The following LUZP2 variants were observed in gnomAD, a reference collection of about 807,000 sequenced individuals.
LUZP2 encodes the protein leucine zipper protein 2.
A neutral mutation model predicts 51.6 loss-of-function variants in LUZP2; 52 were observed. The observed-to-expected ratio is 1.01, with a 90% CI of 0.81 to 1.27. The LOEUF is 1.27. Among genes scored for constraint, LUZP2 ranks in the 50% most tolerant of loss-of-function variants. The pLI, the probability that LUZP2 is intolerant of heterozygous loss-of-function variation, is 0.00. For missense variants in LUZP2, 436 were observed against 395.4 expected, an observed-to-expected ratio of 1.10 and a Z score of -0.87; for synonymous variants, 154 against 137.3, an observed-to-expected ratio of 1.12 and a Z score of -0.85.
chr11:24,741,127 T>A (rs1859122159), intron 4 of LUZP2, among the ~76,000 whole-genome samples: 1 of 152,100 alleles, frequency 6.6e-6, no homozygotes, highest in African/African-American at 2.4e-5. Flanking sequence ...CTATTTACAT[T>A]ACTATTCAAA....
chr11:24,551,697 G>C lies in LUZP2; in HGVS notation c.62+54392G>C, dbSNP rs11028006. On this transcript the variant is annotated intron_variant, in intron 1 of 11. Coordinates refer to ENST00000336930, the MANE Select transcript of LUZP2 (RefSeq NM_001009909.4). ...ATAGTAATTCATAATTGGAAATATA[G>C]AGGAAAATCAAAGAAACAAACCTAA... Among the ~76,000 whole-genome samples the C allele has an allele frequency of 3.1e-4, 47 of 151,950 alleles. No individual in the cohort carries two copies. The East Asian group carries it at 4.4e-3, about 14-fold the overall frequency.
chr11:24,986,768 T>A (rs1026068206), intron 9 of LUZP2, among the ~76,000 whole-genome samples: 11 of 151,710 alleles, frequency 7.3e-5, no homozygotes, highest in African/African-American at 2.7e-4. Context: ...ATTATATTCA[T>A]TTTTTATAAA....
intron 1 of LUZP2, among the ~76,000 whole-genome samples, chr11:24,630,558 T>A (rs1854844438): frequency 6.6e-6 from 1 of 152,166 alleles, no homozygotes; most frequent in South Asian, 2.1e-4. Context: ...GTGTCTACAT[T>A]AATGCCAGTA....
chr11:24,826,190 A>AATATATATATAT lies in LUZP2; in HGVS notation c.396+62890_396+62901dup, dbSNP rs1158935544. Reference sequence around the variant, plus strand: ...GACTCCATCTCAAAAAAAAAAAAAAAATATATATATATATATATAGTAAAA... The same window carrying AATATATATATAT: ...GACTCCATCTCAAAAAAAAAAAAAAAATATATATATATATATATATATATATATATAGTAAAA... On this transcript the variant is annotated intron_variant, in intron 5 of 11. Coordinates refer to ENST00000336930, the MANE Select transcript of LUZP2 (RefSeq NM_001009909.4). Among the ~76,000 whole-genome samples, 231 of 67,512 alleles carry AATATATATATAT rather than the reference A, an allele frequency of 3.4e-3. 3 individuals are homozygous for AATATATATATAT. Among genetic ancestry groups the AATATATATATAT allele is most frequent in the East Asian group, 6.2e-3 (11 of 1,776 alleles). 44.3% of individuals were successfully genotyped at this position (67,512 alleles called of 152,430 possible).
Position 25,077,417 on chromosome 11 carries a change from G to T in LUZP2, c.936+11G>T, listed in dbSNP as rs1334105354. The T allele has an allele frequency of 2.6e-6, 4 of 1,519,970 alleles. No individual in the cohort carries two copies. The highest frequency in any genetic ancestry group is 1.7e-4 in the Middle Eastern group (1 of 5,774). 94.2% of individuals were successfully genotyped at this position (1,519,970 alleles called of 1,614,324 possible). On this transcript the variant is annotated intron_variant, in intron 11 of 11. Coordinates refer to ENST00000336930, the MANE Select transcript of LUZP2 (RefSeq NM_001009909.4). ...GAGCCTATCCCACAGGTATGTGTTTGTTTTATTTCGTTTGTGTCAAAAAGC... is the reference window on the plus strand; with the variant it reads ...GAGCCTATCCCACAGGTATGTGTTTTTTTTATTTCGTTTGTGTCAAAAAGC...
intron 1 of LUZP2, among the ~76,000 whole-genome samples, chr11:24,527,687 C>A (rs769644453): frequency 6.6e-6 from 1 of 150,874 alleles, no homozygotes; most frequent in Non-Finnish European, 1.5e-5. Context: ...ACACACAAAC[C>A]CCACTTAATC....
intron 1 of LUZP2, among the ~76,000 whole-genome samples, chr11:24,599,997 A>G (rs1853568012): frequency 6.6e-6 from 1 of 152,118 alleles, no homozygotes; most frequent in Non-Finnish European, 1.5e-5. Flanking sequence ...AACAGCAGCT[A>G]TAAAATATTC....
chr11:24,633,491 T>C (rs533376002), intron 1 of LUZP2, among the ~76,000 whole-genome samples: 2 of 152,160 alleles, frequency 1.3e-5, no homozygotes, highest in East Asian at 3.9e-4. Flanking sequence ...TTTACAATAA[T>C]TGAGAAGAAA....
intron 8 of LUZP2, among the ~76,000 whole-genome samples, chr11:24,978,052 C>T (rs1480304790): frequency 1.3e-5 from 2 of 151,332 alleles, no homozygotes; most frequent in Admixed American, 1.3e-4. Context: ...ACACTGTATA[C>T]ATTTAGCAAT....
chr11:24,810,166 T>G (rs2134134225), intron 5 of LUZP2, among the ~76,000 whole-genome samples: 1 of 152,210 alleles, frequency 6.6e-6, no homozygotes, highest in East Asian at 1.9e-4. Flanking sequence ...GGAACTATAG[T>G]TGTAAACCTG....
At chr11:24,498,474 A>G (rs1021737077) in intron 1 of LUZP2, among the ~76,000 whole-genome samples, 1 of 152,116 alleles carries the variant, frequency 6.6e-6, no homozygotes, top group African/African-American at 2.4e-5. Flanking sequence ...AGACTATTTC[A>G]TTTACCCTCA....
intron 1 of LUZP2, among the ~76,000 whole-genome samples, chr11:24,580,156 C>T (rs1019827519): frequency 2.0e-5 from 3 of 152,008 alleles, no homozygotes; most frequent in African/African-American, 7.2e-5. Context: ...AATGATGTTA[C>T]AATGTAATCC....
intron 9 of LUZP2, among the ~76,000 whole-genome samples, chr11:25,026,301 T>C (rs185592516): frequency 6.6e-6 from 1 of 151,944 alleles, no homozygotes; most frequent in African/African-American, 2.4e-5. Flanking sequence ...TAAAAACATG[T>C]AAAAATAAAA....
At chr11:25,029,664 G>A (rs972619569) in intron 9 of LUZP2, among the ~76,000 whole-genome samples, 148 of 150,548 alleles carry the variant, frequency 9.8e-4, no homozygotes, top group African/African-American at 3.4e-3. Flanking sequence ...TTGAACCCGG[G>A]AGGCGGAGGT....
At chr11:25,059,255 T>C (rs1305567489) in intron 10 of LUZP2, among the ~76,000 whole-genome samples, 2 of 152,152 alleles carry the variant, frequency 1.3e-5, no homozygotes, top group African/African-American at 2.4e-5. Flanking sequence ...GTCATAGCAA[T>C]TGGCAAGATC....
chr11:24,983,385 G>A, intron 9 of LUZP2, 92 bp downstream of exon 9: 3 of 1,251,778 alleles, frequency 2.4e-6, no homozygotes, highest in Non-Finnish European at 3.3e-6. Flanking sequence ...GTGGATTCAA[G>A]TATGATAACA....
chr11:24,916,409 T>C (rs1158441327), intron 7 of LUZP2, among the ~76,000 whole-genome samples: 1 of 152,124 alleles, frequency 6.6e-6, no homozygotes, highest in East Asian at 1.9e-4. Flanking sequence ...TATGTATACA[T>C]GTGCCTTGTT....
At chr11:24,825,320 A>G (rs1590598787) in intron 5 of LUZP2, among the ~76,000 whole-genome samples, 2 of 152,300 alleles carry the variant, frequency 1.3e-5, no homozygotes. Flanking sequence ...TAGCTTTCCC[A>G]AGATTATCCC....
chr11:24,774,984 A>G (rs1173067463), intron 5 of LUZP2, among the ~76,000 whole-genome samples: 2 of 151,082 alleles, frequency 1.3e-5, no homozygotes, highest in Non-Finnish European at 3.0e-5. Context: ...TACCTACTCT[A>G]GGAATATTAC....
Sources: gnomAD v4.1 joint callset for allele counts (sites outside exome capture counted in the v4.1 genomes callset) on GRCh38, gnomAD v4.1.1 for gene constraint, MANE v1.5 for transcripts, NCBI Gene and HGNC (gene_info 2026-07-23, HGNC 2026-07-21) for gene names.